FNIP2: variants seen among roughly 807,000 people sequenced by gnomAD.
The protein encoded by FNIP2 is folliculin interacting protein 2.
Under a neutral mutation model 108.7 loss-of-function variants are expected in FNIP2, and 32 were observed. The ratio of observed to expected loss-of-function variants is 0.29; its 90% CI spans 0.22 to 0.40. The LOEUF (loss-of-function observed/expected upper bound fraction) is 0.40. FNIP2 is among the 10% of genes least tolerant of loss of function. The pLI is 1.00. For synonymous variants in FNIP2, 480 were observed against 496.7 expected (o/e 0.97, Z 0.45); for missense variants, 1,202 against 1,381.6 (o/e 0.87, Z 2.06).
At chr4:158,816,030 C>G (rs918443683) in intron 1 of FNIP2, among the ~76,000 whole-genome samples, 1 of 152,094 alleles carries the variant, frequency 6.6e-6, no homozygotes, top group African/African-American at 2.4e-5. Flanking sequence ...GCAAATTAAT[C>G]TGTAGGATTC....
intron 7 of FNIP2, among the ~76,000 whole-genome samples, chr4:158,838,185 G>A (rs1225202324): frequency 1.3e-5 from 2 of 149,956 alleles, no homozygotes; most frequent in African/African-American, 4.9e-5. Flanking sequence ...AAGATGTAGA[G>A]AAATTAAAGA....
chr4:158,846,766 G>A (rs1283202209), intron 7 of FNIP2, among the ~76,000 whole-genome samples: 1 of 152,124 alleles, frequency 6.6e-6, no homozygotes, highest in Non-Finnish European at 1.5e-5. Flanking sequence ...AGCCTCCACC[G>A]ATCGTCCTCT....
chr4:158,893,165 G>A (rs1318667776), intron 15 of FNIP2: 1 of 152,602 alleles, frequency 6.6e-6, no homozygotes, highest in Non-Finnish European at 1.5e-5. Context: ...TTCAACAAGG[G>A]TGCTGTGAGA....
At chr4:158,888,395 T>C (rs1480418944) in intron 14 of FNIP2, among the ~76,000 whole-genome samples, 1 of 152,214 alleles carries the variant, frequency 6.6e-6, no homozygotes, top group Non-Finnish European at 1.5e-5. Context: ...TGTCATTTGC[T>C]TGTGCTTAAT....
At chr4:158,859,788 C>T in intron 10 of FNIP2, 122 bp downstream of exon 10, 1 of 812,228 alleles carries the variant, frequency 1.2e-6, no homozygotes, top group Non-Finnish European at 2.0e-6. Flanking sequence ...GTGGTTCCGC[C>T]CTTCAAGATG....
intron 5 of FNIP2, among the ~76,000 whole-genome samples, chr4:158,833,088 A>T (rs977892778): frequency 1.3e-5 from 2 of 152,236 alleles, no homozygotes; most frequent in Admixed American, 6.5e-5. Flanking sequence ...AAGTTGCTGA[A>T]TTGCTCATTG....
chr4:158,887,420 T>G (rs1456324334), intron 14 of FNIP2, among the ~76,000 whole-genome samples: 1 of 152,134 alleles, frequency 6.6e-6, no homozygotes, highest in Non-Finnish European at 1.5e-5. Flanking sequence ...GTTTGTTTAT[T>G]GTGGTTCTAT....
chr4:158,862,441 A>G (rs1278912466), intron 12 of FNIP2, among the ~76,000 whole-genome samples: 1 of 152,194 alleles, frequency 6.6e-6, no homozygotes. Flanking sequence ...CCTCATGGTT[A>G]GGGGGTAAAA....
At chr4:158,824,776 A>G (rs1778064244) in intron 1 of FNIP2, among the ~76,000 whole-genome samples, 2 of 150,740 alleles carry the variant, frequency 1.3e-5, no homozygotes, top group African/African-American at 4.9e-5. Flanking sequence ...CACGGCACTC[A>G]CTCTCTGGCC....
intron 14 of FNIP2, chr4:158,890,433 A>G: frequency 2.4e-6 from 2 of 850,176 alleles, no homozygotes; most frequent in Non-Finnish European, 2.8e-6. Context: ...ATTTGTGAGA[A>G]GGAATACAAA....
chr4:158,769,754 G>C (rs1469622150), intron 1 of FNIP2, among the ~76,000 whole-genome samples: 1 of 152,194 alleles, frequency 6.6e-6, no homozygotes, highest in Non-Finnish European at 1.5e-5. Flanking sequence ...TTCTGAAGGA[G>C]CAACAGTCAC....
intron 3 of FNIP2, among the ~76,000 whole-genome samples, chr4:158,829,711 G>T (rs1451461046): frequency 2.7e-5 from 4 of 148,260 alleles, no homozygotes; most frequent in African/African-American, 7.4e-5. Flanking sequence ...GTGTGTGTGG[G>T]GTGTGTGTGT....
chr4:158,899,502 CTAT>C (rs1274071910), intron 16 of FNIP2, among the ~76,000 whole-genome samples: 1 of 152,150 alleles, frequency 6.6e-6, no homozygotes, highest in Non-Finnish European at 1.5e-5. Flanking sequence ...GGTTGGTAGG[CTAT>C]TAATTACTGC....
At chr4:158,809,174 T>A (rs971530204) in intron 1 of FNIP2, among the ~76,000 whole-genome samples, 1 of 152,200 alleles carries the variant, frequency 6.6e-6, no homozygotes, top group Non-Finnish European at 1.5e-5. Flanking sequence ...TAGTGACTCT[T>A]TGCTGGGCAT....
In FNIP2 at chr4:158,835,182, A is replaced by C. The variant is rs1778731311; in HGVS notation, c.656-223A>C. On this transcript the variant is annotated intron_variant, in intron 6 of 16. Transcript: ENST00000264433. ...CACTCAGAAAAGTTTGTATGCTTAC[A>C]ATTGAATACAGGCAGATTTTTATGA... is the stretch of plus-strand genomic sequence containing the variant. 1.9e-5 allele frequency: 5 copies of C among 257,804 alleles called. No individual in the cohort carries two copies. In the South Asian group the frequency reaches 3.2e-4, roughly 16 times the overall value. 16.0% of individuals were successfully genotyped at this position (257,804 alleles called of 1,614,324 possible).
At chr4:158,831,793 CATT>C in intron 3 of FNIP2, 65 bp from the exon 4 acceptor site, 1 of 988,788 alleles carries the variant, frequency 1.0e-6, no homozygotes, top group Non-Finnish European at 1.6e-6. Context: ...GATTAATAAA[CATT>C]ATTTTCTGTT....
At position 158,777,862 on chromosome 4, in the gene FNIP2, A is replaced by G. The variant is rs149352242; in HGVS notation, c.107+8543A>G. 3.3e-5 allele frequency among the ~76,000 whole-genome samples: 5 copies of G among 152,356 alleles called. No homozygotes were observed. In the East Asian group the frequency reaches 9.6e-4, roughly 29 times the overall value. On this transcript the variant is annotated intron_variant, in intron 1 of 16. Coordinates refer to ENST00000264433, the MANE Select transcript of FNIP2 (RefSeq NM_020840.3). ...CAAACATATCTGGTTAAAAGTTCAT[A>G]TAAAATATGTTGAAATGTAAGCCTT... is the stretch of plus-strand genomic sequence containing the variant.
At chr4:158,776,842 T>A (rs1229747693) in intron 1 of FNIP2, among the ~76,000 whole-genome samples, 1 of 152,130 alleles carries the variant, frequency 6.6e-6, no homozygotes, top group East Asian at 1.9e-4. Flanking sequence ...CCTTAAAGAG[T>A]CTCTAGTATT....
At chr4:158,859,021 T>A (rs747392575) in intron 8 of FNIP2, 36 bp from the exon 9 acceptor site, 2 of 1,595,212 alleles carry the variant, frequency 1.3e-6, no homozygotes, top group South Asian at 2.2e-5. Context: ...GACTCACTGA[T>A]GCATGGCAAC....
Sources: gnomAD v4.1 joint callset for allele counts (sites outside exome capture counted in the v4.1 genomes callset) on GRCh38, gnomAD v4.1.1 for gene constraint, MANE v1.5 for transcripts, NCBI Gene and HGNC (gene_info 2026-07-23, HGNC 2026-07-21) for gene names.